Variants in SP110 observed in about 807,000 individuals in gnomAD.
SP110 encodes the protein interferon-induced protein 41, 30kD.
SP110 carries 62 observed loss-of-function variants against 92.7 expected under a neutral mutation model. The ratio of observed to expected loss-of-function variants is 0.67; its 90% CI spans 0.55 to 0.83. SP110 has a LOEUF of 0.83. Ranked by LOEUF, SP110 falls within the 40% of genes least tolerant of loss-of-function variation. The pLI is 0.00. For synonymous variants in SP110, 273 were observed against 305.3 expected, an observed-to-expected ratio of 0.89 and a Z score of 1.10; for missense variants, 793 against 863.9, an observed-to-expected ratio of 0.92 and a Z score of 1.03.
rs960583118 is a variant in SP110 at position 230,172,321 on chromosome 2, G to T, written c.1707-147C>A. ...AGAGTGTCCAAGATCCCCACATGGG[G>T]TCTCCAGCATTGGCCCTTCCCTCGC... On this transcript the variant is annotated intron_variant, in intron 15 of 18. Transcript: ENST00000258381. 9.8e-6 allele frequency: 7 copies of T among 713,226 alleles called. No individual in the cohort carries two copies. The African/African-American group carries it at 1.0e-4, about 11-fold the overall frequency. The allele number at this position is 713,226 out of a possible 1,614,324, so 44.2% of individuals were successfully genotyped here.
rs34906767 is a variant in SP110, at chr2:230,175,945, C to CTTTT, written c.1590+1589_1590+1592dup. On this transcript the variant is annotated intron_variant, in intron 14 of 18. Transcript: ENST00000258381. ...CTTTTGCTTTTCATGCTGCAGCATTCTTTTTTTTTTTTTTCTGAGACAGGG... is the reference window on the plus strand; with the variant it reads ...CTTTTGCTTTTCATGCTGCAGCATTCTTTTTTTTTTTTTTTTTTCTGAGACAGGG... Among the ~76,000 whole-genome samples the CTTTT allele has an allele frequency of 2.1e-4, 27 of 130,776 alleles. 1 individual carries two copies. The East Asian group carries it at 4.5e-3, about 22-fold the overall frequency. 85.8% of individuals were successfully genotyped at this position (130,776 alleles called of 152,430 possible).
Position 230,180,496 on chromosome 2 carries a change from C to A in SP110, c.1349-2241G>T, listed in dbSNP as rs571973685. On this transcript the variant is annotated intron_variant, in intron 12 of 18. Coordinates refer to ENST00000258381, the MANE Select transcript of SP110 (RefSeq NM_080424.4). ...AAGGAAACAGTAAGAGCAGCAGATG[C>A]ACTGTGTCATCTATCCGCATAACAA... 8.5e-4 allele frequency among the ~76,000 whole-genome samples: 130 copies of A among 152,230 alleles called. 3 individuals are homozygous for A. In the South Asian group the frequency reaches 0.027, roughly 31 times the overall value.
chr2:230,183,649 A>G lies in SP110; in HGVS notation c.1280-9T>C. On this transcript the variant is annotated splice_polypyrimidine_tract_variant and intron_variant, in intron 11 of 18. Coordinates refer to ENST00000258381, the MANE Select transcript of SP110 (RefSeq NM_080424.4). ...TTTCTCCTTTTTCTTTTCTAAACAC[A>G]GAATTAATAATCACTTATAGCTACA... 1 of 1,429,442 alleles carries G rather than the reference A, an allele frequency of 7.0e-7. No homozygotes were observed. The highest frequency in any genetic ancestry group is 1.7e-4 in the Middle Eastern group (1 of 5,724). 88.5% of individuals were successfully genotyped at this position (1,429,442 alleles called of 1,614,324 possible).
chr2:230,189,858 G>T (rs2148778019), intron 10 of SP110, among the ~76,000 whole-genome samples: 1 of 152,264 alleles, frequency 6.6e-6, no homozygotes, highest in African/African-American at 2.4e-5. Context: ...CCATGTACCT[G>T]CAAAGGACAT....
chr2:230,165,895 CTTT>C lies in SP110; in HGVS notation c.*3226_*3228del, dbSNP rs34761414. On this transcript the variant is annotated 3_prime_UTR_variant, in exon 19 of 19. Coordinates refer to ENST00000258381, the MANE Select transcript of SP110 (RefSeq NM_080424.4). Reference sequence around the variant, plus strand: ...GACAGAAATAAGACCACCTATATAACTTTTTTTTTTTTTTTTGAAACAGAGTCT... The same window carrying C: ...GACAGAAATAAGACCACCTATATAACTTTTTTTTTTTTTGAAACAGAGTCT... 7.2e-6 allele frequency among the ~76,000 whole-genome samples: 1 copy of C among 138,876 alleles called. No homozygotes were observed. Among genetic ancestry groups the C allele is most frequent in the African/African-American group, 2.7e-5 (1 of 37,282 alleles). The allele number at this position is 138,876 out of a possible 152,430, so 91.1% of individuals were successfully genotyped here. A position where few individuals can be genotyped will look rare whatever the true frequency, so the allele number is the denominator to read the frequency against.
intron 14 of SP110, among the ~76,000 whole-genome samples, chr2:230,174,648 C>A (rs553814513): frequency 6.6e-6 from 1 of 152,274 alleles, no homozygotes; most frequent in African/African-American, 2.4e-5. Flanking sequence ...GAGACGGAGG[C>A]TCTCACAGGC....
chr2:230,176,642 G>C, intron 14 of SP110: 1 of 1,613,950 alleles, frequency 6.2e-7, no homozygotes, highest in Non-Finnish European at 8.5e-7. Flanking sequence ...CTGCAACATG[G>C]TGACTGAGAG....
rs935139263 is a variant in SP110 at position 230,204,832 on chromosome 2, A to G, written c.899-2104T>C. On this transcript the variant is annotated intron_variant, in intron 8 of 18. Transcript: ENST00000258381. ...CAACACGACTGATGAAAAGGAGATA[A>G]CTAAACATTTATGGGGAGTAGTGTA... 2.0e-5 allele frequency among the ~76,000 whole-genome samples: 3 copies of G among 152,350 alleles called. No individual in the cohort carries two copies. In the East Asian group the frequency reaches 5.8e-4, roughly 29 times the overall value.
In SP110 at chr2:230,212,600, C is replaced by G. The variant is rs543610932; in HGVS notation, c.583+161G>C. On this transcript the variant is annotated intron_variant, in intron 4 of 18. Coordinates refer to ENST00000258381, the MANE Select transcript of SP110 (RefSeq NM_080424.4). ...TGGACTCTAGGTCTTACCCACCCCC[C>G]GGCAGTGCTCATAATCCCTCTTGAA... Among the ~76,000 whole-genome samples, 499 of 152,212 alleles carry G rather than the reference C, an allele frequency of 3.3e-3. 4 individuals are homozygous for G. The highest frequency in any genetic ancestry group is 2.9e-3 in the Non-Finnish European group (199 of 68,024).
intron 10 of SP110, among the ~76,000 whole-genome samples, chr2:230,199,145 A>ATTT (rs1175239097): frequency 1.1e-4 from 13 of 121,694 alleles, no homozygotes; most frequent in African/African-American, 4.2e-4. Context: ...TATTATTATT[A>ATTT]TTATTTTTTT....
upstream of SP110, chr2:230,221,726 T>C (rs1244504592): frequency 9.1e-6 from 14 of 1,536,050 alleles, no homozygotes; most frequent in Non-Finnish European, 1.2e-5. Flanking sequence ...CCCCATCACC[T>C]GGAAAGCCCC....
At chr2:230,212,594 A>G (rs1221792877) in intron 4 of SP110, among the ~76,000 whole-genome samples, 164 bp from the exon 5 acceptor site, 1 of 151,770 alleles carries the variant, frequency 6.6e-6, no homozygotes, top group African/African-American at 2.4e-5. Context: ...GGTCTTACCC[A>G]CCCCCCGGCA....
At chr2:230,171,955 T>C (rs2078453864) in intron 16 of SP110, 111 bp downstream of exon 16, 2 of 850,054 alleles carry the variant, frequency 2.4e-6, no homozygotes, top group South Asian at 1.3e-5. Flanking sequence ...CGTCATCCTT[T>C]AAAGGGAGAC....
At chr2:230,219,808 C>G (rs2045639206) in intron 1 of SP110, 66 bp downstream of exon 1, 1 of 570,056 alleles carries the variant, frequency 1.8e-6, no homozygotes, top group Non-Finnish European at 2.2e-6. Context: ...GCTGCTGCCG[C>G]GAAGTTAACT....
intron 6 of SP110, among the ~76,000 whole-genome samples, chr2:230,210,561 T>C (rs1010059760): frequency 7.9e-5 from 12 of 152,256 alleles, no homozygotes; most frequent in Non-Finnish European, 1.2e-4. Context: ...CTAAATGCCT[T>C]ATATATTTCT....
chr2:230,210,027 G>A lies in SP110; in HGVS notation c.752-19C>T, dbSNP rs1422017681. The A allele has an allele frequency of 6.9e-7, 1 of 1,459,760 alleles. No individual in the cohort carries two copies. The highest frequency in any genetic ancestry group is 2.3e-5 in the East Asian group (1 of 44,180). The allele number at this position is 1,459,760 out of a possible 1,614,324, so 90.4% of individuals were successfully genotyped here. A position where few individuals can be genotyped will look rare whatever the true frequency, so the allele number is the denominator to read the frequency against. On this transcript the variant is annotated intron_variant, in intron 6 of 18. Transcript: ENST00000258381. ...CTTATCTCTGACAAAAGAAATATAA[G>A]TCATTTCAGAGCTCAGATCCAGTGA... is the stretch of plus-strand genomic sequence containing the variant.
At chr2:230,218,561 G>A (rs1401631071) in intron 1 of SP110, among the ~76,000 whole-genome samples, 1 of 152,148 alleles carries the variant, frequency 6.6e-6, no homozygotes, top group East Asian at 1.9e-4. Context: ...GGGTCTTGGA[G>A]GCTCCTTTTA....
rs190632164 is a variant in SP110, at chr2:230,171,196, G to A, written c.1888-435C>T. On this transcript the variant is annotated intron_variant, in intron 17 of 18. Transcript: ENST00000258381. ...CAACCTCTGCTTCCTGGGTTCAAGC[G>A]ATTCTCCTGCCTCAGCCTCCTGAGT... 4.0e-3 allele frequency among the ~76,000 whole-genome samples: 611 copies of A among 152,308 alleles called. 3 individuals are homozygous for A. The highest frequency in any genetic ancestry group is 0.014 in the African/African-American group (578 of 41,564).
At chr2:230,173,167 A>G (rs1375669032) in intron 14 of SP110, 1 of 540,904 alleles carries the variant, frequency 1.8e-6, no homozygotes, top group African/African-American at 1.9e-5. Context: ...GACCGCCGCC[A>G]CCAGGACTTT....
Sources: allele counts gnomAD v4.1 joint callset (sites outside exome capture counted in the v4.1 genomes callset), GRCh38; gene constraint gnomAD v4.1.1; transcripts MANE v1.5; gene names NCBI Gene and HGNC (gene_info 2026-07-23, HGNC 2026-07-21).